The following NFATC2 variants were observed in gnomAD, a reference collection of about 807,000 sequenced individuals.
NFATC2 encodes the protein nuclear factor of activated T cells 2.
In NFATC2, 22 loss-of-function variants were observed where a neutral mutation model predicts 87.3. The ratio of observed to expected loss-of-function variants is 0.25; its 90% CI spans 0.18 to 0.36. The LOEUF is 0.36. Ranked by LOEUF, NFATC2 falls within the 10% of genes least tolerant of loss-of-function variation. NFATC2 has a pLI of 1.00. For synonymous variants in NFATC2, 565 were observed against 542.2 expected, an observed-to-expected ratio of 1.04 and a Z score of -0.58; for missense variants, 1,149 against 1,259.1, an observed-to-expected ratio of 0.91 and a Z score of 1.32.
intron 10 of NFATC2, among the ~76,000 whole-genome samples, chr20:51,396,034 GTATGTA>G (rs1403389358): frequency 2.4e-5 from 3 of 126,492 alleles, no homozygotes; most frequent in African/African-American, 8.5e-5. Context: ...TCAGCTCCTA[GTATGTA>G]TATATATATA....
chr20:51,411,418 GCACACACACATACACACACCCATACACA>G (rs750471076), intron 9 of NFATC2, among the ~76,000 whole-genome samples: 2 of 149,744 alleles, frequency 1.3e-5, no homozygotes, highest in Non-Finnish European at 1.5e-5. Flanking sequence ...CTTTATCCAT[GCACACACACATACACACACCCATACACA>G]CACACACAGT....
In NFATC2 at chr20:51,480,116, C is replaced by T. The variant is rs879675920; in HGVS notation, c.1333-4456G>A. On this transcript the variant is annotated intron_variant, in intron 3 of 10. Coordinates refer to ENST00000371564, the MANE Select transcript of NFATC2 (RefSeq NM_012340.5). The surrounding 1 kb of genome is among the most constrained non-coding windows in gnomAD (Gnocchi z 4.2). The stretch of plus-strand genomic sequence containing the variant: ...CAGCCCGGGCAACATGGTGAAACCC[C>T]GTCTCTGTGAAAAATACAAAAATTA... Among the ~76,000 whole-genome samples the T allele has an allele frequency of 5.9e-5, 9 of 151,854 alleles. No individual in the cohort carries two copies. The highest frequency in any genetic ancestry group is 7.4e-5 in the Non-Finnish European group (5 of 67,972).
chr20:51,541,177 T>C (rs748879643), intron 1 of NFATC2, among the ~76,000 whole-genome samples: 7 of 152,064 alleles, frequency 4.6e-5, no homozygotes, highest in Non-Finnish European at 8.8e-5. Flanking sequence ...CCTAACACAG[T>C]GTTTGTGGGA....
intron 1 of NFATC2, among the ~76,000 whole-genome samples, chr20:51,525,112 C>A (rs144012983): frequency 0.052 from 7,893 of 152,230 alleles, 275 homozygotes; most frequent in East Asian, 0.11. Context: ...CCCAGCTACT[C>A]AGGAGGCTGA....
rs753096839 is a variant in NFATC2, at chr20:51,516,931, A to C, written c.1185T>G (p.Pro395=). The C allele has an allele frequency of 9.3e-6, 15 of 1,613,178 alleles. No homozygotes were observed. The highest frequency in any genetic ancestry group is 1.3e-5 in the African/African-American group (1 of 74,868). ...GACTGGACAGCGGCCACTCAAGTGG[A>C]GGGAGGGATGCAGTCACTGGGATGC... ...ICSIPVTASL[P]PLEWPLSSQS... The change falls in exon 3 of 11, where the codon CCT becomes CCG. Residue 395 remains proline (P), a synonymous_variant. Transcript: ENST00000371564.
chr20:51,484,122 C>G (rs1233963873), intron 3 of NFATC2, among the ~76,000 whole-genome samples: 1 of 151,012 alleles, frequency 6.6e-6, no homozygotes. Flanking sequence ...CCCCCCATGA[C>G]AGCCACACTG....
At chr20:51,547,016 G>T (rs1320514996), upstream of NFATC2, among the ~76,000 whole-genome samples, 3 of 152,180 alleles carry the variant, frequency 2.0e-5, no homozygotes, top group East Asian at 5.8e-4. Context: ...AGATCAGGCT[G>T]GGAGGTAAGT....
Position 51,562,231 on chromosome 20 carries a change from C to G in NFATC2, c.70+329G>C, listed in dbSNP as rs1268382289. 3.9e-5 allele frequency among the ~76,000 whole-genome samples: 6 copies of G among 152,224 alleles called. No homozygotes were observed. In the East Asian group the frequency reaches 1.2e-3, roughly 29 times the overall value. On this transcript the variant is annotated intron_variant, in intron 1 of 10. Transcript: ENST00000414705. The surrounding 1 kb of genome is among the most constrained non-coding windows in gnomAD (Gnocchi z 5.8). ...AAAGCCGAGTGCTGAAACGGTTAAA[C>G]AGCCAGCGGTTAGTAGCGAGAATCC...
chr20:51,499,486 C>T (rs1568692974), intron 3 of NFATC2, among the ~76,000 whole-genome samples: 1 of 152,160 alleles, frequency 6.6e-6, no homozygotes. Flanking sequence ...GGCACGGTGG[C>T]TCATGCCTAT....
intron 9 of NFATC2, among the ~76,000 whole-genome samples, chr20:51,413,362 G>GTC (rs1979564973): frequency 6.6e-6 from 1 of 152,124 alleles, no homozygotes; most frequent in South Asian, 2.1e-4. Context: ...GACACAGTCT[G>GTC]TCTCCTCAGG....
chr20:51,405,145 A>T (rs1988433797), intron 9 of NFATC2, among the ~76,000 whole-genome samples: 1 of 152,166 alleles, frequency 6.6e-6, no homozygotes, highest in South Asian at 2.1e-4. Flanking sequence ...CCTGGAAGAG[A>T]AATGCATCAG....
intron 3 of NFATC2, among the ~76,000 whole-genome samples, chr20:51,484,357 C>A (rs1488222120): frequency 2.0e-5 from 3 of 152,194 alleles, no homozygotes; most frequent in South Asian, 4.1e-4. Context: ...TCCCTCCACA[C>A]ACCCTGCCTT....
chr20:51,528,045 C>A (rs2076573098), intron 1 of NFATC2, among the ~76,000 whole-genome samples: 1 of 148,296 alleles, frequency 6.7e-6, no homozygotes, highest in Non-Finnish European at 1.5e-5. Flanking sequence ...ATGATCGTAC[C>A]ACCACCTCCC....
chr20:51,535,720 T>G (rs1448325506), intron 1 of NFATC2, among the ~76,000 whole-genome samples: 2 of 152,212 alleles, frequency 1.3e-5, no homozygotes, highest in Non-Finnish European at 2.9e-5. Context: ...TTAAAATAAC[T>G]TTAGCAGGCA....
At chr20:51,488,415 G>A (rs1031138972) in intron 3 of NFATC2, among the ~76,000 whole-genome samples, 1 of 152,150 alleles carries the variant, frequency 6.6e-6, no homozygotes, top group African/African-American at 2.4e-5. Context: ...GTCGGGGGCT[G>A]CCCCAGGCAT....
chr20:51,524,055 A>G lies in NFATC2; in HGVS notation c.186T>C (p.Asp62=). 6.6e-7 allele frequency: 1 copy of G among 1,513,626 alleles called. No individual in the cohort carries two copies. The highest frequency in any genetic ancestry group is 8.8e-7 in the Non-Finnish European group (1 of 1,134,108). The allele number at this position is 1,513,626 out of a possible 1,614,324, so 93.8% of individuals were successfully genotyped here. A position where few individuals can be genotyped will look rare whatever the true frequency, so the allele number is the denominator to read the frequency against. ...GCTTGAGGCCATAGTCCAGGACATC[A>G]TCGGGGTATGCGGGTCCGGAGGGTG... ...ASPPSGPAYP[D]DVLDYGLKPY... is the part of the protein sequence containing the mutation. The change falls in exon 2 of 11, where the codon GAT becomes GAC. Residue 62 remains aspartate (D), a synonymous_variant. Coordinates refer to ENST00000371564, the MANE Select transcript of NFATC2 (RefSeq NM_012340.5). This position sits in a 1 kb window ranked among gnomAD's most constrained non-coding sequence, Gnocchi z 4.0.
chr20:51,403,969 G>A (rs1359204112), intron 9 of NFATC2, among the ~76,000 whole-genome samples: 2 of 152,302 alleles, frequency 1.3e-5, no homozygotes, highest in East Asian at 1.9e-4. Flanking sequence ...TGAAGTCATC[G>A]AGGTTCAGGT....
At chr20:51,398,980 G>C (rs997341050) in intron 9 of NFATC2, 2 of 425,572 alleles carry the variant, frequency 4.7e-6, no homozygotes, top group Non-Finnish European at 8.5e-6. Context: ...GGGATCAGGG[G>C]AGCGTGTTCA....
At chr20:51,554,245 T>C (rs115021693) in intron 1 of NFATC2, among the ~76,000 whole-genome samples, 261 of 152,342 alleles carry the variant, frequency 1.7e-3, no homozygotes, top group African/African-American at 6.0e-3. Flanking sequence ...AGCTTATAAA[T>C]GACTTCCTAT....
Sources: allele counts gnomAD v4.1 joint callset (sites outside exome capture counted in the v4.1 genomes callset), GRCh38; gene constraint gnomAD v4.1.1; non-coding constraint Gnocchi (gnomAD v3.1); transcripts MANE v1.5; gene names NCBI Gene and HGNC (gene_info 2026-07-23, HGNC 2026-07-21).